The following TMEM182 variants were observed in gnomAD, a reference collection of about 807,000 sequenced individuals.
The protein encoded by TMEM182 is transmembrane protein 182.
TMEM182 carries 20 observed loss-of-function variants against 26.8 expected under a neutral mutation model. The ratio of observed to expected loss-of-function variants is 0.75; its 90% CI spans 0.53 to 1.09. The LOEUF (loss-of-function observed/expected upper bound fraction) is 1.09, where lower values mean the gene tolerates loss of function less well. Ranked by LOEUF, TMEM182 falls within the 50% of genes least tolerant of loss-of-function variation. The pLI is 0.00. For missense variants in TMEM182, 277 were observed against 275.5 expected, an observed-to-expected ratio of 1.01 and a Z score of -0.04; for synonymous variants, 109 against 102.2, an observed-to-expected ratio of 1.07 and a Z score of -0.40.
At chr2:102,741,851 C>T (rs1316571900) in intron 1 of TMEM182, among the ~76,000 whole-genome samples, 1 of 152,188 alleles carries the variant, frequency 6.6e-6, no homozygotes, top group African/African-American at 2.4e-5. Flanking sequence ...ACTGAAGCCT[C>T]TGGAACCCCC....
intron 1 of TMEM182, among the ~76,000 whole-genome samples, chr2:102,754,083 C>T (rs1679964160): frequency 6.6e-6 from 1 of 152,128 alleles, no homozygotes; most frequent in Admixed American, 6.6e-5. Context: ...ACATGCGGCT[C>T]ATAGGCAGTA....
rs916701122 is a variant in TMEM182, at chr2:102,812,391, A to C, written c.470-2357A>C. On this transcript the variant is annotated intron_variant, in intron 4 of 4. Coordinates refer to ENST00000412401, the MANE Select transcript of TMEM182 (RefSeq NM_144632.5). ...TCTCTTTGTCTACACATGTACACAC[A>C]CACACACACACACACACACACACAC... Among the ~76,000 whole-genome samples the C allele has an allele frequency of 1.3e-3, 65 of 50,926 alleles. 1 individual carries two copies. The highest frequency in any genetic ancestry group is 2.8e-3 in the Admixed American group (13 of 4,576). The allele number at this position is 50,926 out of a possible 152,430, so 33.4% of individuals were successfully genotyped here.
chr2:102,775,126 T>G (rs1680854807), intron 3 of TMEM182: 1 of 152,238 alleles, frequency 6.6e-6, no homozygotes, highest in Non-Finnish European at 1.5e-5. Context: ...TTCTGTTTAT[T>G]TAGGTCTTCT....
At chr2:102,753,080 C>T (rs1167603258) in intron 1 of TMEM182, among the ~76,000 whole-genome samples, 1 of 151,998 alleles carries the variant, frequency 6.6e-6, no homozygotes. Context: ...TCTAAAATTC[C>T]CCAAATTCTG....
At chr2:102,821,218 T>C (rs2104767036), downstream of TMEM182, among the ~76,000 whole-genome samples, 1 of 152,326 alleles carries the variant, frequency 6.6e-6, no homozygotes, top group Non-Finnish European at 1.5e-5. Context: ...TCTTTAAAAT[T>C]AGGCTACTAT....
intron 3 of TMEM182, among the ~76,000 whole-genome samples, chr2:102,770,756 C>T (rs1680639299): frequency 6.6e-6 from 1 of 152,146 alleles, no homozygotes; most frequent in South Asian, 2.1e-4. Context: ...TAGCCACCAA[C>T]AGAGCACAGC....
At chr2:102,822,392 G>A (rs1249613281), downstream of TMEM182, among the ~76,000 whole-genome samples, 1 of 152,186 alleles carries the variant, frequency 6.6e-6, no homozygotes, top group African/African-American at 2.4e-5. Context: ...GAAGGACGAT[G>A]TTTCGAGAAG....
rs544957650 is a variant in TMEM182, at chr2:102,788,366, C to T, written c.332-9497C>T. Among the ~76,000 whole-genome samples the T allele has an allele frequency of 1.2e-4, 19 of 152,264 alleles. No individual in the cohort carries two copies. The South Asian group carries it at 2.1e-3, about 17-fold the overall frequency. On this transcript the variant is annotated intron_variant, in intron 3 of 4. Transcript: ENST00000412401. ...CCTCCCTTCCCTACTGAGGGAGACG[C>T]GGGCAGGGGAGGACCTTGGAGCTGG...
At chr2:102,757,674 T>A (rs1372636267), upstream of TMEM182, 1 of 152,260 alleles carries the variant, frequency 6.6e-6, no homozygotes, top group Non-Finnish European at 1.5e-5. Context: ...ATGCTTATTC[T>A]TGTGGCCCTG....
intron 3 of TMEM182, among the ~76,000 whole-genome samples, chr2:102,769,772 A>G (rs535013574): frequency 2.2e-4 from 34 of 152,338 alleles, no homozygotes; most frequent in African/African-American, 7.7e-4. Flanking sequence ...GTGCCATACT[A>G]TAAAATTGCT....
At chr2:102,762,869 T>A (rs1680274954) in intron 2 of TMEM182, among the ~76,000 whole-genome samples, 183 bp downstream of exon 2, 1 of 152,198 alleles carries the variant, frequency 6.6e-6, no homozygotes, top group Admixed American at 6.5e-5. Flanking sequence ...TAGGAATAAT[T>A]ATTTTATCTT....
At chr2:102,775,253 T>G (rs907195666) in intron 3 of TMEM182, 1 of 152,202 alleles carries the variant, frequency 6.6e-6, no homozygotes, top group African/African-American at 2.4e-5. Context: ...TCAATAAATG[T>G]AATCCAGCAT....
chr2:102,821,133 A>C (rs74339238), downstream of TMEM182, among the ~76,000 whole-genome samples: 196 of 152,326 alleles, frequency 1.3e-3, 1 homozygote, highest in Non-Finnish European at 2.5e-3. Flanking sequence ...TGTGCCTCAG[A>C]CATGCCAAGG....
intron 1 of TMEM182, among the ~76,000 whole-genome samples, chr2:102,746,292 A>T (rs1308624467): frequency 1.3e-5 from 2 of 152,082 alleles, no homozygotes; most frequent in Non-Finnish European, 2.9e-5. Flanking sequence ...GATTTTTTTT[A>T]AATTATTGAG....
rs552505643 is a variant in TMEM182 at position 102,796,134 on chromosome 2, A to G, written c.332-1729A>G. 8.5e-5 allele frequency among the ~76,000 whole-genome samples: 13 copies of G among 152,356 alleles called. No individual in the cohort carries two copies. In the South Asian group the frequency reaches 2.3e-3, roughly 27 times the overall value. Reference sequence around the variant, plus strand: ...GGCTATTTTCCTAGATTTCTAGGAAATGAATTCAACTAAAGATTTTTGCTA... The same window carrying G: ...GGCTATTTTCCTAGATTTCTAGGAAGTGAATTCAACTAAAGATTTTTGCTA... On this transcript the variant is annotated intron_variant, in intron 3 of 4. Transcript: ENST00000412401.
At chr2:102,822,041 C>T (rs1280182315), downstream of TMEM182, among the ~76,000 whole-genome samples, 2 of 151,644 alleles carry the variant, frequency 1.3e-5, no homozygotes, top group Non-Finnish European at 2.9e-5. Context: ...AGATGGATGT[C>T]CCTATTACCC....
At position 102,787,526 on chromosome 2, in the gene TMEM182, G is replaced by A. The variant is rs573854453; in HGVS notation, c.332-10337G>A. On this transcript the variant is annotated intron_variant, in intron 3 of 4. Transcript: ENST00000412401. Reference sequence around the variant, plus strand: ...GGTTAGGGGTTCAACATATGAATTTGAGTGAGTGAGCACATTCAGTCCATG... The same window carrying A: ...GGTTAGGGGTTCAACATATGAATTTAAGTGAGTGAGCACATTCAGTCCATG... Among the ~76,000 whole-genome samples the A allele has an allele frequency of 1.2e-4, 19 of 152,318 alleles. No homozygotes were observed. The South Asian group carries it at 3.7e-3, about 30-fold the overall frequency.
chr2:102,833,718 A>G (rs1183811038), intron 3 of TMEM182, among the ~76,000 whole-genome samples: 1 of 152,240 alleles, frequency 6.6e-6, no homozygotes, highest in East Asian at 1.9e-4. Flanking sequence ...ATCTGTGACA[A>G]TGTCTCAGTT....
chr2:102,813,302 C>A (rs113474212), intron 4 of TMEM182, among the ~76,000 whole-genome samples: 1 of 152,294 alleles, frequency 6.6e-6, no homozygotes, highest in South Asian at 2.1e-4. Context: ...GCTGTAGGAC[C>A]ACAATTAACG....
Sources: gnomAD v4.1 joint callset for allele counts (sites outside exome capture counted in the v4.1 genomes callset) on GRCh38, gnomAD v4.1.1 for gene constraint, MANE v1.5 for transcripts, NCBI Gene and HGNC (gene_info 2026-07-23, HGNC 2026-07-21) for gene names.